The following CADPS2 variants were observed in gnomAD, a reference collection of about 807,000 sequenced individuals.
CADPS2 encodes the protein calcium-dependent secretion activator 2.
CADPS2 carries 93 observed loss-of-function variants against 172.5 expected under a neutral mutation model. The ratio of observed to expected loss-of-function variants is 0.54; its 90% CI spans 0.46 to 0.64. The LOEUF (loss-of-function observed/expected upper bound fraction) is 0.64, where lower values mean the gene tolerates loss of function less well. Ranked by LOEUF, CADPS2 falls within the 30% of genes least tolerant of loss-of-function variation. The pLI, the probability that CADPS2 is intolerant of heterozygous loss-of-function variation, is 0.00. For missense variants in CADPS2, 1,420 were observed against 1,565.9 expected, an observed-to-expected ratio of 0.91 and a Z score of 1.57; for synonymous variants, 546 against 555.2, an observed-to-expected ratio of 0.98 and a Z score of 0.23.
chr7:122,424,990 T>A (rs2151841858), intron 17 of CADPS2, among the ~76,000 whole-genome samples: 1 of 152,222 alleles, frequency 6.6e-6, no homozygotes, highest in Admixed American at 6.5e-5. Context: ...TTAAAAAAAT[T>A]ATTTTTTTGG....
chr7:122,450,521 C>CA (rs2052930913), intron 15 of CADPS2, among the ~76,000 whole-genome samples: 2 of 79,130 alleles, frequency 2.5e-5, no homozygotes, highest in Non-Finnish European at 4.9e-5. Context: ...TATTGGTGGC[C>CA]TTTTTTTTTT....
intron 1 of CADPS2, among the ~76,000 whole-genome samples, chr7:122,750,748 T>A (rs1043823046): frequency 6.6e-6 from 1 of 152,126 alleles, no homozygotes; most frequent in Non-Finnish European, 1.5e-5. Flanking sequence ...GAGCTTTTTT[T>A]AAAAAATGCA....
In CADPS2 at chr7:122,615,279, T is replaced by G. The variant is rs1421694035; in HGVS notation, c.1125A>C (p.Gln375His). 1 of 1,547,168 alleles carries G rather than the reference T, an allele frequency of 6.5e-7. No homozygotes were observed. ...GATTGGGAGCAACTGACTTCAGGCCTTGCACTTCCATTATGACAATCTAAA... is the reference window on the plus strand; with the variant it reads ...GATTGGGAGCAACTGACTTCAGGCCGTGCACTTCCATTATGACAATCTAAA... ...FTLEIVIMEV[Q>H]GLKSVAPNRI... is the part of the protein sequence containing the mutation. The change falls in exon 6 of 30, where the codon CAA becomes CAC. Residue 375 changes from glutamine to histidine, a missense_variant. Coordinates refer to ENST00000449022, the MANE Select transcript of CADPS2 (RefSeq NM_017954.11).
At chr7:122,394,057 G>T (rs1317738690) in intron 20 of CADPS2, among the ~76,000 whole-genome samples, 1 of 152,046 alleles carries the variant, frequency 6.6e-6, no homozygotes, top group Non-Finnish European at 1.5e-5. Flanking sequence ...TCACTAGGAG[G>T]GTGTCTGTGG....
chr7:122,631,417 T>G (rs2076564042), intron 3 of CADPS2, among the ~76,000 whole-genome samples: 1 of 152,168 alleles, frequency 6.6e-6, no homozygotes, highest in Non-Finnish European at 1.5e-5. Context: ...TTGGTAGTTT[T>G]GTTTGTAAGA....
chr7:122,403,604 T>C (rs922752797), intron 20 of CADPS2, among the ~76,000 whole-genome samples: 1 of 152,202 alleles, frequency 6.6e-6, no homozygotes, highest in Non-Finnish European at 1.5e-5. Flanking sequence ...TAAACATGAT[T>C]GAAAATTACA....
intron 6 of CADPS2, among the ~76,000 whole-genome samples, chr7:122,597,912 C>CT (rs2072111270): frequency 2.7e-5 from 4 of 146,254 alleles, no homozygotes; most frequent in Non-Finnish European, 6.0e-5. Context: ...ATCTTTTTAA[C>CT]ATTTTTTTTT....
At chr7:122,337,854 A>C (rs763689230) in intron 28 of CADPS2, among the ~76,000 whole-genome samples, 17 of 152,182 alleles carry the variant, frequency 1.1e-4, no homozygotes, top group Non-Finnish European at 2.4e-4. Context: ...CTATCTTAAA[A>C]GAGGTCAAAC....
chr7:122,709,715 C>G (rs142770306), intron 2 of CADPS2, among the ~76,000 whole-genome samples: 2,017 of 152,002 alleles, frequency 0.013, 44 homozygotes, highest in African/African-American at 0.046. Flanking sequence ...CACCATGGAA[C>G]ACTATGCAGC....
intron 2 of CADPS2, among the ~76,000 whole-genome samples, chr7:122,677,513 C>T (rs538346993): frequency 6.6e-6 from 1 of 152,076 alleles, no homozygotes; most frequent in Non-Finnish European, 1.5e-5. Flanking sequence ...GGAATGCCAT[C>T]AATATTTAAG....
At chr7:122,667,324 G>A (rs1200160708) in intron 2 of CADPS2, among the ~76,000 whole-genome samples, 1 of 152,216 alleles carries the variant, frequency 6.6e-6, no homozygotes. Flanking sequence ...TAAGTTGGCA[G>A]ACATTTTGTA....
chr7:122,668,178 A>G (rs1376189204), intron 2 of CADPS2, among the ~76,000 whole-genome samples: 1 of 152,220 alleles, frequency 6.6e-6, no homozygotes, highest in Non-Finnish European at 1.5e-5. Context: ...TTTGGGAAAT[A>G]GAATGAATGT....
intron 1 of CADPS2, among the ~76,000 whole-genome samples, chr7:122,774,466 A>G (rs2093813302): frequency 6.6e-6 from 1 of 152,166 alleles, no homozygotes; most frequent in Non-Finnish European, 1.5e-5. Context: ...TCCAAGAAAA[A>G]GTTAGTTAAG....
chr7:122,482,023 T>G (rs1052535199), intron 11 of CADPS2, among the ~76,000 whole-genome samples: 2 of 152,130 alleles, frequency 1.3e-5, no homozygotes, highest in African/African-American at 4.8e-5. Flanking sequence ...AGGCAGACTC[T>G]GTCTAAAAAA....
intron 8 of CADPS2, among the ~76,000 whole-genome samples, chr7:122,541,266 G>A (rs1001747348): frequency 2.0e-5 from 3 of 146,476 alleles, no homozygotes; most frequent in African/African-American, 5.1e-5. Context: ...GTGTGATCTC[G>A]GCTCACTGCA....
chr7:122,640,192 G>A (rs1321699036), intron 3 of CADPS2, among the ~76,000 whole-genome samples: 2 of 152,108 alleles, frequency 1.3e-5, no homozygotes, highest in African/African-American at 4.8e-5. Context: ...GAGTCATGTA[G>A]AGCGAAACCT....
chr7:122,885,964 AGTG>A lies in CADPS2; in HGVS notation c.339+32_339+34del, dbSNP rs780884048. ...CTCCCGGGAGAAAAACCCAGGGAGA[AGTG>A]GTGGTAGGAGGCGCCCGGTCCCGCA... On this transcript the variant is annotated intron_variant, in intron 1 of 29. Coordinates refer to ENST00000449022, the MANE Select transcript of CADPS2 (RefSeq NM_017954.11). The A allele has an allele frequency of 2.0e-5, 31 of 1,581,768 alleles. No individual in the cohort carries two copies. The Admixed American group carries it at 3.3e-4, about 17-fold the overall frequency.
intron 20 of CADPS2, among the ~76,000 whole-genome samples, chr7:122,403,244 G>A (rs559855260): frequency 3.6e-4 from 55 of 152,296 alleles, no homozygotes; most frequent in Admixed American, 2.9e-3. Context: ...TGAGTTTGGG[G>A]TAAAAGTCAC....
intron 20 of CADPS2, among the ~76,000 whole-genome samples, chr7:122,405,757 G>A (rs2046568495): frequency 6.6e-6 from 1 of 152,144 alleles, no homozygotes; most frequent in African/African-American, 2.4e-5. Context: ...ACTGAGAGCA[G>A]GCCTTATGGT....
Sources: gnomAD v4.1 joint callset for allele counts (sites outside exome capture counted in the v4.1 genomes callset) on GRCh38, gnomAD v4.1.1 for gene constraint, MANE v1.5 for transcripts, NCBI Gene and HGNC (gene_info 2026-07-23, HGNC 2026-07-21) for gene names.